INPP5F: variants seen among roughly 807,000 people sequenced by gnomAD.
INPP5F encodes the protein inositol polyphosphate-5-phosphatase F.
INPP5F carries 97 observed loss-of-function variants against 137.2 expected under a neutral mutation model. The ratio of observed to expected loss-of-function variants is 0.71; its 90% CI spans 0.60 to 0.84. The LOEUF (loss-of-function observed/expected upper bound fraction) is 0.84, where lower values mean the gene tolerates loss of function less well. INPP5F is among the 40% of genes least tolerant of loss of function. The probability of loss-of-function intolerance (pLI) is 0.00; values close to 1 mark genes in which losing one functional copy is unlikely to be tolerated. For missense variants in INPP5F, 1,271 were observed against 1,371.9 expected, an observed-to-expected ratio of 0.93 and a Z score of 1.16; for synonymous variants, 504 against 476.9, an observed-to-expected ratio of 1.06 and a Z score of -0.74.
chr10:119,819,153 C>T (rs957638976), intron 15 of INPP5F: 1 of 158,416 alleles, frequency 6.3e-6, no homozygotes, highest in African/African-American at 2.5e-5. Context: ...TTCAGAGCTG[C>T]AGACGTGGGG....
chr10:119,812,197 T>A (rs1341318234), intron 15 of INPP5F, among the ~76,000 whole-genome samples: 3 of 152,180 alleles, frequency 2.0e-5, no homozygotes, highest in African/African-American at 7.2e-5. Context: ...TTAAACAAAA[T>A]TCAAATTGCC....
rs1850394313 is a variant in INPP5F, at chr10:119,796,608, T to C, written c.670-107T>C. On this transcript the variant is annotated intron_variant, in intron 6 of 19. Coordinates refer to ENST00000650623, the MANE Select transcript of INPP5F (RefSeq NM_014937.4). ...GAAAATATGGTTGAATAATGGAAGG[T>C]TTCTGCTTCTAATAAACTGAGAAAT... is the stretch of plus-strand genomic sequence containing the variant. 1.2e-5 allele frequency: 11 copies of C among 896,364 alleles called. No homozygotes were observed. In the Admixed American group the frequency reaches 1.8e-4, roughly 14 times the overall value. The allele number at this position is 896,364 out of a possible 1,614,324, so 55.5% of individuals were successfully genotyped here. A position where few individuals can be genotyped will look rare whatever the true frequency, so the allele number is the denominator to read the frequency against.
chr10:119,726,199 G>C lies in INPP5F; in HGVS notation c.-64G>C. On this transcript the variant is annotated 5_prime_UTR_variant, in exon 1 of 20. Transcript: ENST00000650623. Reference sequence around the variant, plus strand: ...CCGAGGCGCGGGCTCTGGCGGCCTCGACCGACTAGGACGCCCCGTGCGCCG... The same window carrying C: ...CCGAGGCGCGGGCTCTGGCGGCCTCCACCGACTAGGACGCCCCGTGCGCCG... 1 of 1,093,764 alleles carries C rather than the reference G, an allele frequency of 9.1e-7. No homozygotes were observed. The highest frequency in any genetic ancestry group is 1.2e-6 in the Non-Finnish European group (1 of 833,620). The allele number at this position is 1,093,764 out of a possible 1,614,324, so 67.8% of individuals were successfully genotyped here.
chr10:119,811,380 C>T (rs1851023232), intron 14 of INPP5F, among the ~76,000 whole-genome samples: 1 of 152,154 alleles, frequency 6.6e-6, no homozygotes, highest in Non-Finnish European at 1.5e-5. Context: ...CATGCCCCAC[C>T]AAGAGGAAGT....
intron 1 of INPP5F, among the ~76,000 whole-genome samples, chr10:119,729,152 C>CG (rs1847977242): frequency 6.9e-6 from 1 of 144,686 alleles, no homozygotes; most frequent in South Asian, 2.4e-4. Context: ...GGGGAAAGGG[C>CG]GGGGCGGGCA....
intron 2 of INPP5F, among the ~76,000 whole-genome samples, chr10:119,764,660 C>T (rs1849104134): frequency 6.6e-6 from 1 of 151,368 alleles, no homozygotes; most frequent in African/African-American, 2.4e-5. Context: ...CGGCTCACTG[C>T]AACCTCCGCC....
At chr10:119,742,124 C>T (rs72842246) in intron 1 of INPP5F, among the ~76,000 whole-genome samples, 7,141 of 150,470 alleles carry the variant, frequency 0.047, 239 homozygotes, top group Admixed American at 0.1. Flanking sequence ...GCGCCCGGCC[C>T]GACGACAGCT....
intron 1 of INPP5F, among the ~76,000 whole-genome samples, chr10:119,749,008 G>C (rs2134121228): frequency 6.6e-6 from 1 of 152,348 alleles, no homozygotes; most frequent in South Asian, 2.1e-4. Flanking sequence ...GAAGTCCAGA[G>C]GGGGCTGAGG....
At chr10:119,769,362 A>G (rs915065367) in intron 2 of INPP5F, among the ~76,000 whole-genome samples, 1 of 152,052 alleles carries the variant, frequency 6.6e-6, no homozygotes, top group Non-Finnish European at 1.5e-5. Context: ...CAAACTCCTG[A>G]GCTCCAGTGA....
rs1485065003 is a variant in INPP5F, at chr10:119,752,206, T to C, written c.178+1050T>C. On this transcript the variant is annotated intron_variant, in intron 2 of 19. Coordinates refer to ENST00000650623, the MANE Select transcript of INPP5F (RefSeq NM_014937.4). ...AGAAGTGTGTTTTTATCATGAAATATTTTACAAATTCAAAAAGCTGTTTAT... is the reference window on the plus strand; with the variant it reads ...AGAAGTGTGTTTTTATCATGAAATACTTTACAAATTCAAAAAGCTGTTTAT... Among the ~76,000 whole-genome samples, 6 of 152,214 alleles carry C rather than the reference T, an allele frequency of 3.9e-5. No homozygotes were observed. In the South Asian group the frequency reaches 1.0e-3, roughly 26 times the overall value.
chr10:119,792,091 G>C, intron 5 of INPP5F, 55 bp downstream of exon 5: 2 of 1,614,138 alleles, frequency 1.2e-6, no homozygotes, highest in Non-Finnish European at 1.7e-6. Flanking sequence ...GTGATGGCCT[G>C]TTTTGGCTTT....
At chr10:119,821,266 C>T (rs1851548384) in intron 16 of INPP5F, among the ~76,000 whole-genome samples, 1 of 152,046 alleles carries the variant, frequency 6.6e-6, no homozygotes, top group Non-Finnish European at 1.5e-5. Flanking sequence ...GAAGTTTTTC[C>T]TCACTGTTAG....
intron 1 of INPP5F, among the ~76,000 whole-genome samples, chr10:119,739,808 C>T (rs1401880009): frequency 3.3e-5 from 5 of 151,818 alleles, no homozygotes; most frequent in Admixed American, 1.3e-4. Context: ...TTTGTAGAGA[C>T]GGTGTTTTGC....
At chr10:119,802,072 A>C (rs555385981) in intron 9 of INPP5F, among the ~76,000 whole-genome samples, 1 of 152,186 alleles carries the variant, frequency 6.6e-6, no homozygotes, top group South Asian at 2.1e-4. Flanking sequence ...TGGTTCAGGC[A>C]CGGACCTGTG....
chr10:119,757,310 G>A (rs572238548), intron 2 of INPP5F, among the ~76,000 whole-genome samples: 115 of 151,310 alleles, frequency 7.6e-4, no homozygotes, highest in African/African-American at 2.4e-3. Context: ...TCAGGTGATC[G>A]GCCTGCCTCA....
chr10:119,758,527 A>G (rs533345731), intron 2 of INPP5F, among the ~76,000 whole-genome samples: 146 of 152,350 alleles, frequency 9.6e-4, no homozygotes, highest in African/African-American at 3.2e-3. Context: ...AATAGATCAC[A>G]AAAGCTCTTC....
rs370751233 is a variant in INPP5F at position 119,796,992 on chromosome 10, G to T, written c.868+79G>T. 5,363 of 1,296,834 alleles carry T rather than the reference G, an allele frequency of 4.1e-3. 208 individuals carry two copies. The South Asian group carries it at 0.063, about 15-fold the overall frequency. The allele number at this position is 1,296,834 out of a possible 1,614,324, so 80.3% of individuals were successfully genotyped here. A position where few individuals can be genotyped will look rare whatever the true frequency, so the allele number is the denominator to read the frequency against. On this transcript the variant is annotated intron_variant, in intron 7 of 19. Coordinates refer to ENST00000650623, the MANE Select transcript of INPP5F (RefSeq NM_014937.4). The stretch of plus-strand genomic sequence containing the variant: ...GCTGCAGATGTGTTGAAATGCTAAT[G>T]ACAATAATGGATTTGGGAACACAGT...
chr10:119,805,801 G>A (rs754080468), intron 11 of INPP5F, among the ~76,000 whole-genome samples: 2 of 152,134 alleles, frequency 1.3e-5, no homozygotes, highest in Non-Finnish European at 2.9e-5. Flanking sequence ...GAGGTACTTT[G>A]TCTCAGTTTT....
At chr10:119,805,328 TA>T in intron 10 of INPP5F, 55 bp from the exon 11 acceptor site, 1 of 1,406,480 alleles carries the variant, frequency 7.1e-7, no homozygotes. Context: ...TCTTAAGTTT[TA>T]AAAAAATCTA....
Sources: gnomAD v4.1 joint callset for allele counts (sites outside exome capture counted in the v4.1 genomes callset) on GRCh38, gnomAD v4.1.1 for gene constraint, MANE v1.5 for transcripts, NCBI Gene and HGNC (gene_info 2026-07-23, HGNC 2026-07-21) for gene names.